The following DOCK3 variants were observed in gnomAD, a reference collection of about 807,000 sequenced individuals.
The protein encoded by DOCK3 is dedicator of cytokinesis 3.
In DOCK3, 60 loss-of-function variants were observed where a neutral mutation model predicts 265.6. That is an observed-to-expected ratio of 0.23 (90% CI 0.18 to 0.28). The LOEUF is 0.28. DOCK3 is among the 10% of genes least tolerant of loss of function. DOCK3 has a pLI of 1.00. For synonymous variants in DOCK3, 881 were observed against 938.0 expected, an observed-to-expected ratio of 0.94 and a Z score of 1.11; for missense variants, 1,981 against 2,594.3, an observed-to-expected ratio of 0.76 and a Z score of 5.14.
At chr3:50,995,749 G>T (rs1162430270) in intron 5 of DOCK3, among the ~76,000 whole-genome samples, 1 of 152,196 alleles carries the variant, frequency 6.6e-6, no homozygotes. Flanking sequence ...TTGAAAGACA[G>T]TAGGGGCATA....
intron 47 of DOCK3, among the ~76,000 whole-genome samples, chr3:51,360,897 G>A (rs2086689508): frequency 6.6e-6 from 1 of 152,112 alleles, no homozygotes; most frequent in Non-Finnish European, 1.5e-5. Context: ...GTTTGCTAGG[G>A]GTTAGGAGGG....
chr3:50,921,454 C>G (rs1371450029), intron 4 of DOCK3, among the ~76,000 whole-genome samples: 2 of 152,134 alleles, frequency 1.3e-5, no homozygotes, highest in African/African-American at 4.8e-5. Context: ...TTCGTCTAAT[C>G]TTTTTTCAAG....
rs148676035 is a variant in DOCK3 at position 50,910,015 on chromosome 3, A to G, written c.218+19934A>G. On this transcript the variant is annotated intron_variant, in intron 4 of 52. Coordinates refer to ENST00000266037, the MANE Select transcript of DOCK3 (RefSeq NM_004947.5). The stretch of plus-strand genomic sequence containing the variant: ...TTTTCTCTGCTTGGTCTGTTCTGCT[A>G]TTGGTACTTGTGATTGCATTGTGAA... Among the ~76,000 whole-genome samples, 88 of 151,938 alleles carry G rather than the reference A, an allele frequency of 5.8e-4. 1 individual carries two copies. The highest frequency in any genetic ancestry group is 2.0e-3 in the African/African-American group (83 of 41,378).
intron 1 of DOCK3, among the ~76,000 whole-genome samples, chr3:50,688,007 C>T (rs2034953875): frequency 6.6e-6 from 1 of 152,156 alleles, no homozygotes; most frequent in Non-Finnish European, 1.5e-5. Context: ...ACAATTGTAC[C>T]TCAATATCTT....
chr3:50,677,801 A>G (rs1387445367), intron 1 of DOCK3, among the ~76,000 whole-genome samples: 2 of 152,186 alleles, frequency 1.3e-5, no homozygotes, highest in African/African-American at 2.4e-5. Flanking sequence ...TAAATTTTTT[A>G]TAATATAGGA....
At chr3:50,973,621 C>A (rs2077329274) in intron 5 of DOCK3, among the ~76,000 whole-genome samples, 1 of 146,180 alleles carries the variant, frequency 6.8e-6, no homozygotes, top group South Asian at 2.3e-4. Flanking sequence ...GTCTTTATAG[C>A]AGCATGATTT....
At chr3:50,884,116 A>G (rs750154723) in intron 3 of DOCK3, among the ~76,000 whole-genome samples, 13 of 146,052 alleles carry the variant, frequency 8.9e-5, no homozygotes. Context: ...AATTTTTGAT[A>G]TGGAGTCTCG....
chr3:51,119,465 G>A (rs189006111), intron 9 of DOCK3, among the ~76,000 whole-genome samples: 1 of 152,088 alleles, frequency 6.6e-6, no homozygotes, highest in Admixed American at 6.5e-5. Flanking sequence ...TTCTCAAATA[G>A]TATCTTTGTG....
intron 1 of DOCK3, among the ~76,000 whole-genome samples, chr3:50,759,671 TAAA>T (rs35332441): frequency 4.8e-4 from 57 of 118,670 alleles, no homozygotes; most frequent in Non-Finnish European, 5.7e-4. Context: ...ACCCCGTCTC[TAAA>T]AAAAAAAAAA....
chr3:51,319,501 A>G lies in DOCK3; in HGVS notation c.3402+4373A>G, dbSNP rs566879448. On this transcript the variant is annotated intron_variant, in intron 32 of 52. Transcript: ENST00000266037. ...TGGGGCTGGGTTACATTCCACCATC[A>G]CTAACACTGACCAGCCTAAAAATAC... Among the ~76,000 whole-genome samples the G allele has an allele frequency of 1.0e-3, 156 of 152,102 alleles. 1 individual carries two copies. Among genetic ancestry groups the G allele is most frequent in the African/African-American group, 3.6e-3 (150 of 41,484 alleles).
chr3:51,325,766 C>T (rs2084063869), intron 32 of DOCK3, among the ~76,000 whole-genome samples: 1 of 152,098 alleles, frequency 6.6e-6, no homozygotes, highest in African/African-American at 2.4e-5. Context: ...TTTGCAGGGA[C>T]ATGTATGAAG....
At chr3:51,253,217 T>C (rs1310544816) in intron 22 of DOCK3, among the ~76,000 whole-genome samples, 2 of 152,186 alleles carry the variant, frequency 1.3e-5, no homozygotes, top group Non-Finnish European at 2.9e-5. Context: ...TGAAGCCCAC[T>C]TGATCTTGGC....
intron 1 of DOCK3, chr3:50,719,519 C>T (rs2037346489): frequency 9.7e-7 from 1 of 1,026,982 alleles, no homozygotes; most frequent in Non-Finnish European, 1.5e-6. Context: ...GATCTTCTCA[C>T]TGGTCTTGCC....
intron 1 of DOCK3, among the ~76,000 whole-genome samples, chr3:50,681,842 T>G (rs1207877747): frequency 6.6e-6 from 1 of 152,230 alleles, no homozygotes; most frequent in Non-Finnish European, 1.5e-5. Context: ...ATAGAAGAAT[T>G]AGAGTGTGAT....
intron 1 of DOCK3, among the ~76,000 whole-genome samples, chr3:50,690,603 A>ACATT (rs1192009360): frequency 1.3e-5 from 2 of 152,056 alleles, no homozygotes; most frequent in Admixed American, 6.6e-5. Context: ...CTACTGTTCT[A>ACATT]CATTCATTCA....
rs1164230905 is a variant in DOCK3, at chr3:51,348,755, G to A, written c.3916-97G>A. 21 of 1,239,616 alleles carry A rather than the reference G, an allele frequency of 1.7e-5. No homozygotes were observed. In the East Asian group the frequency reaches 3.1e-4, roughly 18 times the overall value. 76.8% of individuals were successfully genotyped at this position (1,239,616 alleles called of 1,614,324 possible). On this transcript the variant is annotated intron_variant, in intron 38 of 52. Transcript: ENST00000266037. ...TTGTGACACATGAGTTGGAGCTGGC[G>A]GGAGACCTTTTGTTGTGTGTCTTCT...
chr3:50,709,321 A>G (rs2036607547), intron 1 of DOCK3, among the ~76,000 whole-genome samples: 1 of 152,142 alleles, frequency 6.6e-6, no homozygotes, highest in Admixed American at 6.6e-5. Context: ...TTCTGTATAG[A>G]AGCTTATACC....
intron 22 of DOCK3, among the ~76,000 whole-genome samples, chr3:51,250,612 C>A (rs567395711): frequency 1.3e-5 from 2 of 152,224 alleles, no homozygotes; most frequent in South Asian, 4.1e-4. Context: ...GAGCAAAACT[C>A]CATCTCAAGA....
chr3:51,330,617 G>A (rs956832972), intron 33 of DOCK3, among the ~76,000 whole-genome samples: 4 of 152,154 alleles, frequency 2.6e-5, no homozygotes, highest in East Asian at 1.9e-4. Flanking sequence ...GCCCTGCTTT[G>A]TAAGGTAGTA....
Sources: gnomAD v4.1 joint callset for allele counts (sites outside exome capture counted in the v4.1 genomes callset) on GRCh38, gnomAD v4.1.1 for gene constraint, MANE v1.5 for transcripts, NCBI Gene and HGNC (gene_info 2026-07-23, HGNC 2026-07-21) for gene names.